FRMD6: variants seen among roughly 807,000 people sequenced by gnomAD.
The protein encoded by FRMD6 is FERM domain containing 6.
A neutral mutation model predicts 73.2 loss-of-function variants in FRMD6; 37 were observed. The observed-to-expected ratio is 0.51, with a 90% CI of 0.39 to 0.66. The LOEUF is 0.66. Among genes scored for constraint, FRMD6 ranks in the 30% least tolerant of loss-of-function variants. FRMD6 has a pLI of 0.00. For missense variants in FRMD6, 714 were observed against 780.5 expected, an observed-to-expected ratio of 0.91 and a Z score of 1.02; for synonymous variants, 273 against 282.2, an observed-to-expected ratio of 0.97 and a Z score of 0.33.
rs76840622 is a variant in FRMD6, at chr14:51,607,155, G to A, written c.-147+36745G>A. ...CACAGCCAACACAGTGCTTTACCAG[G>A]TTTCTACATATTCCTTAACCCAGCC... On this transcript the variant is annotated intron_variant, in intron 2 of 14. Coordinates refer to the FRMD6 transcript ENST00000356218. Among the ~76,000 whole-genome samples, 53 of 152,154 alleles carry A rather than the reference G, an allele frequency of 3.5e-4. 1 individual carries two copies. In the East Asian group the frequency reaches 5.6e-3, roughly 16 times the overall value.
At chr14:51,519,350 G>A (rs536727404) in intron 1 of FRMD6, among the ~76,000 whole-genome samples, 4 of 152,048 alleles carry the variant, frequency 2.6e-5, no homozygotes, top group Non-Finnish European at 4.4e-5. Flanking sequence ...GGGTTTCACC[G>A]TGTTAGCTAG....
chr14:51,559,957 T>C (rs770999082), intron 1 of FRMD6, among the ~76,000 whole-genome samples: 9 of 152,216 alleles, frequency 5.9e-5, no homozygotes, highest in Non-Finnish European at 8.8e-5. Flanking sequence ...AGTCTTTACA[T>C]TGTAAATACT....
intron 2 of FRMD6, among the ~76,000 whole-genome samples, chr14:51,632,339 T>A (rs1891368671): frequency 6.6e-6 from 1 of 152,194 alleles, no homozygotes; most frequent in African/African-American, 2.4e-5. Flanking sequence ...TAAGGTGATC[T>A]GCTGGGGACA....
chr14:51,493,982 T>C (rs1287423228), intron 1 of FRMD6, among the ~76,000 whole-genome samples: 3 of 152,222 alleles, frequency 2.0e-5, no homozygotes, highest in Non-Finnish European at 4.4e-5. Context: ...AACCATTGTC[T>C]TACTCTAACT....
intron 1 of FRMD6, among the ~76,000 whole-genome samples, chr14:51,518,984 G>A (rs761923322): frequency 1.3e-5 from 2 of 152,184 alleles, no homozygotes; most frequent in South Asian, 2.1e-4. Flanking sequence ...AATACATAAC[G>A]ATTTGTCAGC....
At chr14:51,420,858 T>C in the FRMD6 span, among the ~76,000 whole-genome samples, 2 of 152,226 alleles carry the variant, frequency 1.3e-5, no homozygotes, top group African/African-American at 4.8e-5. Flanking sequence ...CACTGCAGCC[T>C]CTGCCTCCCG....
chr14:51,580,815 C>A (rs1888679351), intron 2 of FRMD6, among the ~76,000 whole-genome samples: 1 of 152,144 alleles, frequency 6.6e-6, no homozygotes, highest in Admixed American at 6.5e-5. Flanking sequence ...TATTTCATTA[C>A]AAATATAGGG....
intron 1 of FRMD6, among the ~76,000 whole-genome samples, chr14:51,499,631 C>T (rs530682497): frequency 6.6e-6 from 1 of 152,260 alleles, no homozygotes; most frequent in South Asian, 2.1e-4. Flanking sequence ...AATCACTGTC[C>T]CACAGCTGTC....
At chr14:51,560,768 G>T (rs1887438903) in intron 1 of FRMD6, among the ~76,000 whole-genome samples, 1 of 152,174 alleles carries the variant, frequency 6.6e-6, no homozygotes, top group South Asian at 2.1e-4. Flanking sequence ...ACAGGCGTGA[G>T]TCACCGCACC....
intron 1 of FRMD6, among the ~76,000 whole-genome samples, chr14:51,509,188 T>C (rs1884145275): frequency 6.6e-6 from 1 of 152,202 alleles, no homozygotes; most frequent in Non-Finnish European, 1.5e-5. Flanking sequence ...TGGTTACATT[T>C]CTTCTTCATC....
intron 12 of FRMD6, among the ~76,000 whole-genome samples, chr14:51,723,307 G>A (rs529941871): frequency 6.6e-6 from 1 of 152,254 alleles, no homozygotes; most frequent in East Asian, 1.9e-4. Context: ...ATGCCGCAGT[G>A]CCTTTGGGAA....
intron 1 of FRMD6, among the ~76,000 whole-genome samples, chr14:51,513,016 C>G (rs1357171822): frequency 6.6e-6 from 1 of 152,204 alleles, no homozygotes; most frequent in Non-Finnish European, 1.5e-5. Flanking sequence ...GACAGAGAGG[C>G]TTTCCACCCT....
rs1455390845 is a variant in FRMD6 at position 51,670,592 on chromosome 14, C to T, written c.-147+18596C>T. ...AGATTAGTTATGGGAGAATCAATAT[C>T]TTAACAATATTGAGTCTTCCTATTA... On this transcript the variant is annotated intron_variant, in intron 1 of 13. Coordinates refer to ENST00000344768, the MANE Select transcript of FRMD6 (RefSeq NM_001267046.2). Among the ~76,000 whole-genome samples, 6 of 151,176 alleles carry T rather than the reference C, an allele frequency of 4.0e-5. No individual in the cohort carries two copies. The East Asian group carries it at 1.2e-3, about 29-fold the overall frequency.
At chr14:51,671,101 A>G (rs369365573) in intron 1 of FRMD6, among the ~76,000 whole-genome samples, 4 of 152,206 alleles carry the variant, frequency 2.6e-5, no homozygotes, top group African/African-American at 9.6e-5. Flanking sequence ...AATACACCCA[A>G]CGTGGTCATC....
chr14:51,721,716 A>AAGGG (rs1224878526), intron 11 of FRMD6, among the ~76,000 whole-genome samples: 2 of 114,896 alleles, frequency 1.7e-5, no homozygotes, highest in East Asian at 5.4e-4. Context: ...GGAAGGAAGG[A>AAGGG]AGGGAGGGAG....
intron 1 of FRMD6, among the ~76,000 whole-genome samples, chr14:51,569,363 T>A (rs1432311604): frequency 1.3e-5 from 2 of 152,220 alleles, no homozygotes; most frequent in African/African-American, 4.8e-5. Flanking sequence ...ATAGTTTGGT[T>A]ACTAAAAATA....
Position 51,727,774 on chromosome 14 carries a change from T to G in FRMD6, c.1614T>G (p.Thr538=). The G allele has an allele frequency of 2.5e-6, 4 of 1,608,232 alleles. No homozygotes were observed. Among genetic ancestry groups the G allele is most frequent in the Non-Finnish European group, 3.4e-6 (4 of 1,174,972 alleles). ...TATGTCGGAAACCAAAGACCTCCAC[T>G]GATCGACACAGCTTGAGCCTCGATG... ...QTICRKPKTS[T]DRHSLSLDDI... The change falls in exon 14 of 14, where the codon ACT becomes ACG. Residue 538 remains threonine, a synonymous_variant. Coordinates refer to ENST00000344768, the MANE Select transcript of FRMD6 (RefSeq NM_001267046.2).
chr14:51,429,503 C>A, the FRMD6 span, among the ~76,000 whole-genome samples: 2 of 152,134 alleles, frequency 1.3e-5, no homozygotes, highest in African/African-American at 4.8e-5. Context: ...TTCTGCAATT[C>A]CCTCATTGAA....
intron 2 of FRMD6, among the ~76,000 whole-genome samples, chr14:51,592,386 G>T (rs1389931879): frequency 6.6e-6 from 1 of 152,130 alleles, no homozygotes; most frequent in African/African-American, 2.4e-5. Context: ...AAAATTTCTC[G>T]TGTATAGAAA....
Sources: gnomAD v4.1 joint callset for allele counts (sites outside exome capture counted in the v4.1 genomes callset) on GRCh38, gnomAD v4.1.1 for gene constraint, MANE v1.5 for transcripts, NCBI Gene and HGNC (gene_info 2026-07-23, HGNC 2026-07-21) for gene names.